The following NRXN1 variants were observed in gnomAD, a reference collection of about 807,000 sequenced individuals.
NRXN1 encodes neurexin 1.
A neutral mutation model predicts 150.9 loss-of-function variants in NRXN1; 39 were observed. That is an observed-to-expected ratio of 0.26 (90% CI 0.20 to 0.34). The LOEUF is 0.34. Ranked by LOEUF, NRXN1 falls within the 10% of genes least tolerant of loss-of-function variation. The pLI, the probability that NRXN1 is intolerant of heterozygous loss-of-function variation, is 1.00. For missense variants in NRXN1, 1,815 were observed against 1,949.9 expected (o/e 0.93, Z 1.30); for synonymous variants, 924 against 757.0 (o/e 1.22, Z -3.62).
chr2:50,081,641 A>T (rs1019601023), intron 19 of NRXN1, among the ~76,000 whole-genome samples: 3 of 152,238 alleles, frequency 2.0e-5, no homozygotes, highest in Non-Finnish European at 2.9e-5. Flanking sequence ...GAAAATCATG[A>T]GACTTGTTCA....
intron 5 of NRXN1, among the ~76,000 whole-genome samples, chr2:50,819,167 A>T (rs1669354105): frequency 2.0e-5 from 3 of 152,134 alleles, no homozygotes. Flanking sequence ...AGTATTTACC[A>T]TGTGATTTCT....
intron 19 of NRXN1, among the ~76,000 whole-genome samples, chr2:50,080,086 C>T (rs1299033854): frequency 6.6e-6 from 1 of 152,062 alleles, no homozygotes; most frequent in South Asian, 2.1e-4. Context: ...CATGAATCAT[C>T]CCGTTTTCTA....
chr2:50,566,560 G>GTTAATATGAATCAT (rs1669900014), intron 8 of NRXN1, among the ~76,000 whole-genome samples: 1 of 151,872 alleles, frequency 6.6e-6, no homozygotes, highest in Admixed American at 6.6e-5. Flanking sequence ...CAGCCATCAT[G>GTTAATATGAATCAT]TTAATATGAA....
intron 5 of NRXN1, among the ~76,000 whole-genome samples, chr2:50,788,876 G>C (rs138165902): frequency 6.6e-6 from 1 of 152,128 alleles, no homozygotes; most frequent in Non-Finnish European, 1.5e-5. Flanking sequence ...AAGGGTAACC[G>C]AGGCATTGAG....
At chr2:50,789,041 A>C (rs1705563250) in intron 5 of NRXN1, among the ~76,000 whole-genome samples, 1 of 152,174 alleles carries the variant, frequency 6.6e-6, no homozygotes, top group African/African-American at 2.4e-5. Context: ...GGGATGGCTA[A>C]TGTAAGGCCC....
chr2:49,999,600 G>T (rs927891045), intron 21 of NRXN1, among the ~76,000 whole-genome samples: 1 of 152,060 alleles, frequency 6.6e-6, no homozygotes, highest in African/African-American at 2.4e-5. Context: ...ATCAGGAAAT[G>T]AGACAATAGT....
At chr2:50,935,869 C>T (rs1315600820) in intron 2 of NRXN1, among the ~76,000 whole-genome samples, 2 of 151,914 alleles carry the variant, frequency 1.3e-5, no homozygotes, top group Non-Finnish European at 2.9e-5. Flanking sequence ...TTATAATAGA[C>T]TTTGCCAAGT....
intron 12 of NRXN1, among the ~76,000 whole-genome samples, chr2:50,527,570 AG>A (rs1290897716): frequency 2.0e-5 from 3 of 152,182 alleles, no homozygotes; most frequent in Non-Finnish European, 2.9e-5. Flanking sequence ...TATTTTTAAA[AG>A]AATATTAAAT....
At chr2:51,016,312 T>C (rs1386157947) in intron 2 of NRXN1, among the ~76,000 whole-genome samples, 1 of 151,898 alleles carries the variant, frequency 6.6e-6, no homozygotes, top group Non-Finnish European at 1.5e-5. Context: ...ACCATCAGAG[T>C]GACAGGCAAC....
At chr2:50,705,549 T>G (rs1427190472) in intron 5 of NRXN1, among the ~76,000 whole-genome samples, 3 of 152,216 alleles carry the variant, frequency 2.0e-5, no homozygotes, top group Non-Finnish European at 4.4e-5. Context: ...AGATATATCT[T>G]GACTTTCATA....
intron 2 of NRXN1, among the ~76,000 whole-genome samples, chr2:51,025,523 G>C (rs921256846): frequency 2.6e-5 from 4 of 152,114 alleles, no homozygotes; most frequent in African/African-American, 4.8e-5. Flanking sequence ...CTGTCATTGT[G>C]TCATATTTGT....
intron 8 of NRXN1, among the ~76,000 whole-genome samples, chr2:50,604,817 C>G (rs1000121612): frequency 5.9e-5 from 9 of 152,110 alleles, no homozygotes; most frequent in African/African-American, 2.2e-4. Context: ...TATAGAATAC[C>G]TACTATGCCC....
intron 17 of NRXN1, among the ~76,000 whole-genome samples, chr2:50,242,654 G>T (rs2066123712): frequency 6.6e-6 from 1 of 151,638 alleles, no homozygotes; most frequent in South Asian, 2.1e-4. Flanking sequence ...TACTAATATT[G>T]AGAAGTAAGG....
At chr2:50,334,209 A>ATATATATATATATATATGTATGTATG in intron 17 of NRXN1, among the ~76,000 whole-genome samples, 2 of 121,478 alleles carry the variant, frequency 1.6e-5, no homozygotes, top group East Asian at 4.8e-4. Flanking sequence ...ATATATATAT[A>ATATATATATATATATATGTATGTATG]TATGTATGTA....
chr2:50,245,973 G>A (rs1333991639), intron 17 of NRXN1, among the ~76,000 whole-genome samples: 1 of 151,416 alleles, frequency 6.6e-6, no homozygotes, highest in Non-Finnish European at 1.5e-5. Flanking sequence ...TTCTTATTTA[G>A]AAAAATAAAT....
At chr2:50,633,343 G>C (rs1029838608) in intron 5 of NRXN1, among the ~76,000 whole-genome samples, 1 of 151,532 alleles carries the variant, frequency 6.6e-6, no homozygotes, top group Non-Finnish European at 1.5e-5. Flanking sequence ...TTAAAAGAAA[G>C]AAAAAAAACT....
chr2:50,968,961 GT>G (rs1457301295), intron 2 of NRXN1, among the ~76,000 whole-genome samples: 1 of 151,994 alleles, frequency 6.6e-6, no homozygotes, highest in Non-Finnish European at 1.5e-5. Flanking sequence ...TGGCCTATTT[GT>G]CTACTTCTAC....
At chr2:50,525,851 T>C (rs1002098123) in intron 12 of NRXN1, among the ~76,000 whole-genome samples, 1 of 152,168 alleles carries the variant, frequency 6.6e-6, no homozygotes, top group Non-Finnish European at 1.5e-5. Context: ...ACAGAGATAA[T>C]ACTTGGAATT....
At chr2:50,602,652 T>C (rs2103962506) in intron 8 of NRXN1, among the ~76,000 whole-genome samples, 1 of 152,274 alleles carries the variant, frequency 6.6e-6, no homozygotes, top group Middle Eastern at 3.4e-3. Context: ...CCTTCCTTTC[T>C]TTTAAAATTA....
Sources: gnomAD v4.1 joint callset for allele counts (sites outside exome capture counted in the v4.1 genomes callset) on GRCh38, gnomAD v4.1.1 for gene constraint, MANE v1.5 for transcripts, NCBI Gene and HGNC (gene_info 2026-07-23, HGNC 2026-07-21) for gene names.